The following KCTD16 variants were observed in gnomAD, a reference collection of about 807,000 sequenced individuals.
The protein encoded by KCTD16 is BTB/POZ domain-containing protein KCTD16.
A neutral mutation model predicts 33.2 loss-of-function variants in KCTD16; 13 were observed. The ratio of observed to expected loss-of-function variants is 0.39; its 90% CI spans 0.25 to 0.62. KCTD16 has a LOEUF of 0.62. Among genes scored for constraint, KCTD16 ranks in the 20% least tolerant of loss-of-function variants. The pLI, the probability that KCTD16 is intolerant of heterozygous loss-of-function variation, is 0.50. For synonymous variants in KCTD16, 197 were observed against 195.3 expected (o/e 1.01, Z -0.07); for missense variants, 441 against 525.1 (o/e 0.84, Z 1.57).
chr5:144,479,416 A>G lies in KCTD16; in HGVS notation c.*5302A>G, dbSNP rs1754661411. On this transcript the variant is annotated 3_prime_UTR_variant, in exon 4 of 4. Transcript: ENST00000512467. The stretch of plus-strand genomic sequence containing the variant: ...AAAGAAAGCAAGAAAGAGTGAATTC[A>G]AAAGGGTTTCAATGATCCAATTGAC... 6.6e-6 allele frequency: 1 copy of G among 151,722 alleles called. No individual in the cohort carries two copies. The highest frequency in any genetic ancestry group is 2.4e-5 in the African/African-American group (1 of 41,396). The allele number at this position is 151,722 out of a possible 1,614,324, so 9.4% of individuals were successfully genotyped here. A position where few individuals can be genotyped will look rare whatever the true frequency, so the allele number is the denominator to read the frequency against.
chr5:144,301,453 G>C (rs1348740059), intron 3 of KCTD16, among the ~76,000 whole-genome samples: 1 of 152,126 alleles, frequency 6.6e-6, no homozygotes, highest in African/African-American at 2.4e-5. Flanking sequence ...AATAAGACAA[G>C]TGTGTATGCC....
At chr5:144,227,014 A>G (rs1158123882) in intron 3 of KCTD16, among the ~76,000 whole-genome samples, 2 of 152,244 alleles carry the variant, frequency 1.3e-5, no homozygotes, top group Non-Finnish European at 2.9e-5. Flanking sequence ...ACAGTGTTCT[A>G]GGCATTGAGG....
intron 3 of KCTD16, among the ~76,000 whole-genome samples, chr5:144,436,088 T>G (rs995740204): frequency 6.6e-6 from 1 of 152,180 alleles, no homozygotes; most frequent in African/African-American, 2.4e-5. Context: ...TGGGAACCAC[T>G]TTAGTTTTAA....
At chr5:144,391,330 T>C (rs561057912) in intron 3 of KCTD16, among the ~76,000 whole-genome samples, 1 of 152,230 alleles carries the variant, frequency 6.6e-6, no homozygotes, top group African/African-American at 2.4e-5. Context: ...GATATATTTA[T>C]AAAGCTGAAC....
At chr5:144,281,424 CCTTT>C (rs1755606725) in intron 3 of KCTD16, among the ~76,000 whole-genome samples, 1 of 152,096 alleles carries the variant, frequency 6.6e-6, no homozygotes, top group Admixed American at 6.5e-5. Flanking sequence ...ATATTTTCTA[CCTTT>C]CTTCCAGATT....
intron 2 of KCTD16, among the ~76,000 whole-genome samples, chr5:144,200,854 A>G (rs1048540072): frequency 1.3e-5 from 2 of 152,184 alleles, no homozygotes; most frequent in Non-Finnish European, 2.9e-5. Flanking sequence ...CTCCCCCCTC[A>G]GCCTCCCAAG....
intron 3 of KCTD16, among the ~76,000 whole-genome samples, chr5:144,315,679 G>A (rs1452868201): frequency 6.6e-6 from 1 of 152,110 alleles, no homozygotes; most frequent in Non-Finnish European, 1.5e-5. Flanking sequence ...AGAACTGAGG[G>A]ATAGAAGATT....
intron 3 of KCTD16, among the ~76,000 whole-genome samples, chr5:144,460,444 T>C (rs941115208): frequency 1.3e-5 from 2 of 152,134 alleles, no homozygotes; most frequent in African/African-American, 4.8e-5. Context: ...TACTTGACAT[T>C]TTATTTTATT....
At chr5:144,223,995 T>A (rs1753847671) in intron 3 of KCTD16, among the ~76,000 whole-genome samples, 1 of 152,264 alleles carries the variant, frequency 6.6e-6, no homozygotes. Context: ...AAGGTGAATT[T>A]CCCTCTCTTG....
intron 3 of KCTD16, among the ~76,000 whole-genome samples, chr5:144,291,726 C>T (rs1042926215): frequency 5.3e-5 from 8 of 152,090 alleles, no homozygotes; most frequent in South Asian, 2.1e-4. Context: ...TAAAATTCAG[C>T]GCATCTGGGA....
intron 3 of KCTD16, among the ~76,000 whole-genome samples, chr5:144,338,965 A>G (rs1752561004): frequency 1.3e-5 from 2 of 152,206 alleles, no homozygotes; most frequent in African/African-American, 2.4e-5. Flanking sequence ...TGTGCTTTAT[A>G]ATGCACTGAA....
chr5:144,471,716 G>A (rs1007503286), intron 3 of KCTD16, among the ~76,000 whole-genome samples: 1 of 152,162 alleles, frequency 6.6e-6, no homozygotes, highest in African/African-American at 2.4e-5. Context: ...ATGCTGAACA[G>A]TTTCTGTATT....
chr5:144,320,881 G>A (rs1199577829), intron 3 of KCTD16, among the ~76,000 whole-genome samples: 2 of 151,994 alleles, frequency 1.3e-5, no homozygotes, highest in Non-Finnish European at 2.9e-5. Context: ...TTGAGACGGA[G>A]TTTCACTCTT....
intron 3 of KCTD16, among the ~76,000 whole-genome samples, chr5:144,423,690 T>C (rs570618250): frequency 5.9e-5 from 9 of 152,248 alleles, no homozygotes; most frequent in Non-Finnish European, 1.0e-4. Flanking sequence ...GGAAAAACCT[T>C]GAACTAACCC....
At chr5:144,390,981 G>T (rs911738248) in intron 3 of KCTD16, among the ~76,000 whole-genome samples, 1 of 152,094 alleles carries the variant, frequency 6.6e-6, no homozygotes, top group Admixed American at 6.5e-5. Flanking sequence ...GTTCCAAGGT[G>T]GTTGGTGCCT....
chr5:144,182,225 G>A (rs996689249), intron 2 of KCTD16, among the ~76,000 whole-genome samples: 4 of 152,128 alleles, frequency 2.6e-5, no homozygotes, highest in African/African-American at 9.7e-5. Context: ...TGTCTTGTGT[G>A]GTCACTTCCC....
At chr5:144,420,421 G>A (rs1753183378) in intron 3 of KCTD16, among the ~76,000 whole-genome samples, 3 of 152,036 alleles carry the variant, frequency 2.0e-5, no homozygotes. Flanking sequence ...TAGCAATAAA[G>A]GAAGTGACAT....
chr5:144,378,019 G>A (rs995166077), intron 3 of KCTD16: 1 of 152,084 alleles, frequency 6.6e-6, no homozygotes, highest in Non-Finnish European at 1.5e-5. Flanking sequence ...CTTGAAATTG[G>A]TCAGAAGGGG....
intron 3 of KCTD16, among the ~76,000 whole-genome samples, chr5:144,357,833 G>A (rs981786877): frequency 6.6e-6 from 1 of 152,102 alleles, no homozygotes; most frequent in Non-Finnish European, 1.5e-5. Flanking sequence ...GGTCTTTTGA[G>A]CCAAAGCCCT....
Sources: allele counts gnomAD v4.1 joint callset (sites outside exome capture counted in the v4.1 genomes callset), GRCh38; gene constraint gnomAD v4.1.1; transcripts MANE v1.5; gene names NCBI Gene and HGNC (gene_info 2026-07-23, HGNC 2026-07-21).